Variants in KLHL32 observed in about 807,000 individuals in gnomAD.
KLHL32 encodes kelch like family member 32.
A neutral mutation model predicts 64.8 loss-of-function variants in KLHL32; 35 were observed. The observed-to-expected ratio is 0.54, with a 90% CI of 0.41 to 0.72. KLHL32 has a LOEUF of 0.72. Ranked by LOEUF, KLHL32 falls within the 30% of genes least tolerant of loss-of-function variation. The pLI is 0.00. For synonymous variants in KLHL32, 259 were observed against 281.0 expected, an observed-to-expected ratio of 0.92 and a Z score of 0.78; for missense variants, 589 against 768.5, an observed-to-expected ratio of 0.77 and a Z score of 2.76.
chr6:97,132,851 C>T, intron 10 of KLHL32, 104 bp downstream of exon 10: 2 of 758,482 alleles, frequency 2.6e-6, no homozygotes, highest in Non-Finnish European at 4.2e-6. Context: ...TAGAAAGAGG[C>T]TTAACGTCCC....
chr6:97,066,395 T>A (rs1789748150), intron 5 of KLHL32, among the ~76,000 whole-genome samples: 1 of 152,226 alleles, frequency 6.6e-6, no homozygotes, highest in Non-Finnish European at 1.5e-5. Context: ...CTCTATCCCA[T>A]CAGATGGGTG....
intron 3 of KLHL32, among the ~76,000 whole-genome samples, chr6:96,977,108 A>T (rs572607786): frequency 4.6e-5 from 7 of 152,346 alleles, no homozygotes; most frequent in Admixed American, 4.6e-4. Context: ...GTGATAGCTG[A>T]TTAAATGCCA....
intron 1 of KLHL32, among the ~76,000 whole-genome samples, chr6:96,927,528 G>A (rs1769311585): frequency 6.6e-6 from 1 of 152,146 alleles, no homozygotes; most frequent in Admixed American, 6.5e-5. Context: ...GAGCTACAGA[G>A]ATGCTAGTGG....
At chr6:96,929,211 A>G (rs982101280) in intron 1 of KLHL32, among the ~76,000 whole-genome samples, 3 of 152,238 alleles carry the variant, frequency 2.0e-5, no homozygotes, top group Admixed American at 6.5e-5. Context: ...GATATTTGTC[A>G]TGACAGGAAT....
At chr6:96,968,378 A>C (rs1774715071) in intron 2 of KLHL32, among the ~76,000 whole-genome samples, 1 of 151,656 alleles carries the variant, frequency 6.6e-6, no homozygotes, top group Non-Finnish European at 1.5e-5. Context: ...AAAACAAAAA[A>C]CAAAAACAAA....
intron 6 of KLHL32, among the ~76,000 whole-genome samples, chr6:97,100,259 T>G (rs1795532750): frequency 1.3e-5 from 2 of 152,152 alleles, no homozygotes; most frequent in Admixed American, 1.3e-4. Context: ...TGAAATGAAG[T>G]TAGAGAAGGC....
chr6:96,919,578 T>C, the KLHL32 span, among the ~76,000 whole-genome samples: 1 of 152,224 alleles, frequency 6.6e-6, no homozygotes, highest in African/African-American at 2.4e-5. Context: ...TCCCACAATA[T>C]TTAAGCAATT....
chr6:97,014,028 C>T (rs1157265046), intron 3 of KLHL32, among the ~76,000 whole-genome samples: 1 of 151,932 alleles, frequency 6.6e-6, no homozygotes, highest in African/African-American at 2.4e-5. Context: ...CTTTTTTGGC[C>T]GGGCGCCGTG....
the KLHL32 span, among the ~76,000 whole-genome samples, chr6:96,906,163 A>T: frequency 6.6e-6 from 1 of 152,238 alleles, no homozygotes; most frequent in African/African-American, 2.4e-5. Flanking sequence ...TGTGGTAGAC[A>T]GAAGTCTATG....
chr6:96,958,140 C>T (rs1773470985), intron 1 of KLHL32, among the ~76,000 whole-genome samples: 1 of 152,110 alleles, frequency 6.6e-6, no homozygotes. Flanking sequence ...TGCACTGGGA[C>T]AATATGCAAA....
intron 4 of KLHL32, among the ~76,000 whole-genome samples, chr6:97,061,300 C>A (rs1043793869): frequency 5.0e-4 from 76 of 152,316 alleles, no homozygotes; most frequent in African/African-American, 1.8e-3. Context: ...AATGCCCAAC[C>A]TAGTTTGGCT....
intron 3 of KLHL32, among the ~76,000 whole-genome samples, chr6:96,980,566 T>A (rs1289580598): frequency 6.6e-6 from 1 of 152,146 alleles, no homozygotes; most frequent in East Asian, 1.9e-4. Context: ...GATTTGCTAG[T>A]ATTTTGTTGT....
intron 3 of KLHL32, among the ~76,000 whole-genome samples, chr6:97,017,857 A>G (rs1249143989): frequency 6.6e-6 from 1 of 152,180 alleles, no homozygotes; most frequent in East Asian, 1.9e-4. Context: ...ATGGAATGGC[A>G]GCAGAGGACC....
At chr6:97,094,248 A>G (rs960691822) in intron 6 of KLHL32, among the ~76,000 whole-genome samples, 1 of 152,152 alleles carries the variant, frequency 6.6e-6, no homozygotes, top group African/African-American at 2.4e-5. Flanking sequence ...GAGATTTGCT[A>G]TTCTGGGAGT....
intron 1 of KLHL32, among the ~76,000 whole-genome samples, chr6:96,940,576 C>T (rs974515345): frequency 8.5e-5 from 13 of 152,202 alleles, no homozygotes; most frequent in African/African-American, 2.9e-4. Context: ...GCAGCCCAGA[C>T]CTCATTACTA....
At chr6:97,075,519 A>G (rs11153370) in intron 5 of KLHL32, among the ~76,000 whole-genome samples, 57,688 of 152,048 alleles carry the variant, frequency 0.38, 11,645 homozygotes, top group East Asian at 0.45. Flanking sequence ...GAGAAAATTC[A>G]CAGAGCCCTT....
intron 6 of KLHL32, among the ~76,000 whole-genome samples, chr6:97,095,529 C>G (rs567227719): frequency 1.3e-5 from 2 of 152,318 alleles, no homozygotes; most frequent in East Asian, 1.9e-4. Context: ...TCTTCATGCT[C>G]TGTGAAACAG....
At chr6:96,998,938 A>G (rs1168581908) in intron 3 of KLHL32, among the ~76,000 whole-genome samples, 1 of 152,230 alleles carries the variant, frequency 6.6e-6, no homozygotes, top group African/African-American at 2.4e-5. Context: ...AGAAATCATT[A>G]ATAACTAGAA....
At chr6:97,130,525 C>T (rs530033670) in intron 8 of KLHL32, among the ~76,000 whole-genome samples, 1 of 152,280 alleles carries the variant, frequency 6.6e-6, no homozygotes, top group South Asian at 2.1e-4. Context: ...GCAACACAAA[C>T]TAGAGGAGAT....
Sources: gnomAD v4.1 joint callset for allele counts (sites outside exome capture counted in the v4.1 genomes callset) on GRCh38, gnomAD v4.1.1 for gene constraint, MANE v1.5 for transcripts, NCBI Gene and HGNC (gene_info 2026-07-23, HGNC 2026-07-21) for gene names.